Variants in LRMDA observed in about 807,000 individuals in gnomAD.
LRMDA encodes leucine rich melanocyte differentiation associated.
LRMDA carries 18 observed loss-of-function variants against 29.8 expected under a neutral mutation model. The ratio of observed to expected loss-of-function variants is 0.60; its 90% CI spans 0.42 to 0.90. The LOEUF (loss-of-function observed/expected upper bound fraction) is 0.90, where lower values mean the gene tolerates loss of function less well. Among genes scored for constraint, LRMDA ranks in the 40% least tolerant of loss-of-function variants. The pLI, the probability that LRMDA is intolerant of heterozygous loss-of-function variation, is 0.00. For missense variants in LRMDA, 273 were observed against 273.9 expected, an observed-to-expected ratio of 1.00 and a Z score of 0.02; for synonymous variants, 125 against 109.4, an observed-to-expected ratio of 1.14 and a Z score of -0.89.
At chr10:76,134,379 G>A (rs2132140973) in intron 5 of LRMDA, among the ~76,000 whole-genome samples, 1 of 152,330 alleles carries the variant, frequency 6.6e-6, no homozygotes, top group Non-Finnish European at 1.5e-5. Context: ...TGGAAGGTTG[G>A]TGGTGATGCT....
intron 2 of LRMDA, among the ~76,000 whole-genome samples, chr10:75,542,510 C>T (rs537101287): frequency 1.1e-4 from 16 of 152,048 alleles, no homozygotes; most frequent in African/African-American, 3.6e-4. Context: ...CTAGACAACC[C>T]CACTCTGAAA....
At chr10:75,660,088 C>T (rs1373732163) in intron 2 of LRMDA, among the ~76,000 whole-genome samples, 1 of 152,076 alleles carries the variant, frequency 6.6e-6, no homozygotes, top group South Asian at 2.1e-4. Flanking sequence ...TCTCTCTTTA[C>T]ACACACACAG....
intron 2 of LRMDA, among the ~76,000 whole-genome samples, chr10:75,672,010 C>T (rs1428721556): frequency 1.3e-5 from 2 of 152,156 alleles, no homozygotes; most frequent in African/African-American, 4.8e-5. Context: ...AAAGACCTTT[C>T]TAACTTACTC....
intron 2 of LRMDA, among the ~76,000 whole-genome samples, chr10:75,523,189 A>G (rs1845380424): frequency 6.6e-6 from 1 of 152,202 alleles, no homozygotes; most frequent in Non-Finnish European, 1.5e-5. Context: ...CTGTCCACAT[A>G]TAGGTTGTTG....
intron 1 of LRMDA, among the ~76,000 whole-genome samples, chr10:75,437,659 C>G (rs1171139919): frequency 2.6e-5 from 4 of 152,054 alleles, no homozygotes; most frequent in African/African-American, 9.7e-5. Context: ...TTCAGTTCAG[C>G]TTTTTAATAT....
At chr10:76,073,699 T>C (rs1478039578) in intron 5 of LRMDA, among the ~76,000 whole-genome samples, 1 of 152,174 alleles carries the variant, frequency 6.6e-6, no homozygotes, top group Non-Finnish European at 1.5e-5. Flanking sequence ...ATTTTTCAAG[T>C]TGGCAGCCTA....
chr10:76,124,344 C>T (rs80154364), intron 5 of LRMDA, among the ~76,000 whole-genome samples: 2,970 of 152,300 alleles, frequency 0.02, 85 homozygotes, highest in African/African-American at 0.066. Context: ...GTTTTGATAA[C>T]AGTCCTTGCC....
intron 2 of LRMDA, among the ~76,000 whole-genome samples, chr10:75,985,498 G>A (rs1192252143): frequency 6.6e-6 from 1 of 152,202 alleles, no homozygotes; most frequent in Non-Finnish European, 1.5e-5. Flanking sequence ...GAGGCAACGT[G>A]GCTGTGAACT....
intron 2 of LRMDA, among the ~76,000 whole-genome samples, chr10:76,027,406 A>G (rs1303082118): frequency 6.6e-6 from 1 of 152,248 alleles, no homozygotes; most frequent in Admixed American, 6.5e-5. Context: ...TATAAAATGT[A>G]TATTCATGAT....
At chr10:76,171,956 A>T (rs921375203) in intron 5 of LRMDA, among the ~76,000 whole-genome samples, 2 of 152,166 alleles carry the variant, frequency 1.3e-5, no homozygotes. Context: ...GGGCAGCTGC[A>T]TCTAGTGAAG....
At chr10:75,629,061 C>T (rs1268228666) in intron 2 of LRMDA, among the ~76,000 whole-genome samples, 1 of 152,234 alleles carries the variant, frequency 6.6e-6, no homozygotes, top group African/African-American at 2.4e-5. Flanking sequence ...TAACCCAAAC[C>T]TGTAAGTGAG....
At chr10:75,562,937 A>G (rs1282675961) in intron 2 of LRMDA, among the ~76,000 whole-genome samples, 6 of 152,116 alleles carry the variant, frequency 3.9e-5, no homozygotes, top group African/African-American at 1.5e-4. Flanking sequence ...GGGTAACCCG[A>G]CCTTTCTCTC....
At chr10:75,652,222 C>A (rs73280813) in intron 2 of LRMDA, among the ~76,000 whole-genome samples, 2 of 152,180 alleles carry the variant, frequency 1.3e-5, no homozygotes, top group African/African-American at 4.8e-5. Flanking sequence ...CGACATCCCT[C>A]GATAAGTAAA....
chr10:75,482,798 A>C (rs935744302), intron 2 of LRMDA, among the ~76,000 whole-genome samples: 2 of 152,236 alleles, frequency 1.3e-5, no homozygotes, highest in African/African-American at 4.8e-5. Context: ...TTAGAAATGC[A>C]TGTTTTCTGT....
At chr10:76,389,100 C>G (rs1370907233) in intron 6 of LRMDA, among the ~76,000 whole-genome samples, 1 of 152,138 alleles carries the variant, frequency 6.6e-6, no homozygotes, top group Non-Finnish European at 1.5e-5. Context: ...TTAACAGACC[C>G]TAGTTTGAGA....
At chr10:76,221,019 AC>A (rs1372932889) in intron 5 of LRMDA, among the ~76,000 whole-genome samples, 1 of 152,174 alleles carries the variant, frequency 6.6e-6, no homozygotes, top group Non-Finnish European at 1.5e-5. Flanking sequence ...AAAGACAAAA[AC>A]CACATGATTA....
chr10:76,465,942 C>A (rs1234133023), intron 6 of LRMDA, among the ~76,000 whole-genome samples: 1 of 152,116 alleles, frequency 6.6e-6, no homozygotes, highest in Non-Finnish European at 1.5e-5. Context: ...AGGGCCCACC[C>A]CAATGACCTC....
At chr10:76,425,577 T>A (rs1394966911) in intron 6 of LRMDA, among the ~76,000 whole-genome samples, 1 of 151,152 alleles carries the variant, frequency 6.6e-6, no homozygotes, top group Non-Finnish European at 1.5e-5. Flanking sequence ...ATAATAATTA[T>A]TATTTTATTT....
intron 5 of LRMDA, among the ~76,000 whole-genome samples, chr10:76,093,013 A>G (rs1276039377): frequency 1.3e-5 from 2 of 152,148 alleles, no homozygotes; most frequent in African/African-American, 2.4e-5. Context: ...CCGTTAGGGC[A>G]CCATGAACTA....
Sources: gnomAD v4.1 joint callset for allele counts (sites outside exome capture counted in the v4.1 genomes callset) on GRCh38, gnomAD v4.1.1 for gene constraint, MANE v1.5 for transcripts, NCBI Gene and HGNC (gene_info 2026-07-23, HGNC 2026-07-21) for gene names.